PALLD: variants seen among roughly 807,000 people sequenced by gnomAD.
PALLD encodes palladin.
Under a neutral mutation model 123.5 loss-of-function variants are expected in PALLD, and 61 were observed. The observed-to-expected ratio is 0.49, with a 90% CI of 0.40 to 0.61. PALLD has a LOEUF of 0.61. Among genes scored for constraint, PALLD ranks in the 20% least tolerant of loss-of-function variants. PALLD has a pLI of 0.00. For synonymous variants in PALLD, 465 were observed against 496.4 expected, an observed-to-expected ratio of 0.94 and a Z score of 0.84; for missense variants, 1,273 against 1,377.0, an observed-to-expected ratio of 0.92 and a Z score of 1.20.
At position 168,806,439 on chromosome 4, in the gene PALLD, C is replaced by T. The variant is rs190968609; in HGVS notation, c.1965-84483C>T. Reference sequence around the variant, plus strand: ...TCTCTCCAACTCCACCAAGGTAAGACGTGCTTGCTTCCCCTTCACCCTTCC... The same window carrying T: ...TCTCTCCAACTCCACCAAGGTAAGATGTGCTTGCTTCCCCTTCACCCTTCC... On this transcript the variant is annotated intron_variant, in intron 10 of 21. Transcript: ENST00000505667. Among the ~76,000 whole-genome samples, 202 of 152,270 alleles carry T rather than the reference C, an allele frequency of 1.3e-3. 1 individual carries two copies. Among genetic ancestry groups the T allele is most frequent in the African/African-American group, 4.7e-3 (195 of 41,552 alleles).
intron 2 of PALLD, chr4:168,631,917 A>G (rs1486856315): frequency 1.0e-6 from 1 of 985,068 alleles, no homozygotes; most frequent in Non-Finnish European, 1.2e-6. Flanking sequence ...GGCAGCATTA[A>G]ATCTATGCAG....
At chr4:168,731,018 T>A (rs1787119654) in intron 10 of PALLD, among the ~76,000 whole-genome samples, 1 of 152,184 alleles carries the variant, frequency 6.6e-6, no homozygotes, top group South Asian at 2.1e-4. Flanking sequence ...GCTGCCTTCC[T>A]ACAAACTTTC....
chr4:168,583,696 T>C (rs1048425146), intron 2 of PALLD, among the ~76,000 whole-genome samples: 23 of 152,338 alleles, frequency 1.5e-4, no homozygotes, highest in Non-Finnish European at 1.8e-4. Flanking sequence ...AATGGACTAA[T>C]GGACTAAATA....
chr4:168,541,441 CA>C (rs1297150693), intron 2 of PALLD, among the ~76,000 whole-genome samples: 4 of 145,706 alleles, frequency 2.7e-5, no homozygotes, highest in South Asian at 4.4e-4. Flanking sequence ...CACTCTCACT[CA>C]TTTTATTTAT....
intron 2 of PALLD, among the ~76,000 whole-genome samples, chr4:168,621,275 T>C (rs1440781170): frequency 6.6e-6 from 1 of 152,236 alleles, no homozygotes; most frequent in Non-Finnish European, 1.5e-5. Context: ...ATGCAAATTA[T>C]ATTACGCAAA....
intron 10 of PALLD, among the ~76,000 whole-genome samples, chr4:168,807,949 A>G (rs1740471456): frequency 6.6e-6 from 1 of 151,842 alleles, no homozygotes; most frequent in Admixed American, 6.6e-5. Flanking sequence ...CAGGTGATCC[A>G]TCAGCATCAG....
intron 2 of PALLD, among the ~76,000 whole-genome samples, chr4:168,659,813 T>C (rs1561360918): frequency 6.6e-6 from 1 of 152,200 alleles, no homozygotes; most frequent in Non-Finnish European, 1.5e-5. Context: ...GATACGTAGT[T>C]GTGGTTCAAT....
chr4:168,840,606 C>G (rs900803585), intron 10 of PALLD, among the ~76,000 whole-genome samples: 18 of 152,142 alleles, frequency 1.2e-4, no homozygotes. Flanking sequence ...TTCTTTGACT[C>G]AGGGTACAAA....
chr4:168,506,788 T>C (rs1213354537), intron 1 of PALLD, among the ~76,000 whole-genome samples: 1 of 152,216 alleles, frequency 6.6e-6, no homozygotes, highest in Non-Finnish European at 1.5e-5. Flanking sequence ...TGTAGCAATC[T>C]GGCTTATATT....
chr4:168,643,437 TATC>T (rs1360146326), intron 2 of PALLD, among the ~76,000 whole-genome samples: 2 of 152,240 alleles, frequency 1.3e-5, no homozygotes, highest in African/African-American at 2.4e-5. Context: ...TCTTGCTGTT[TATC>T]ATAACATGAA....
chr4:168,572,573 C>T lies in PALLD; in HGVS notation c.908+60161C>T, dbSNP rs572697901. Reference sequence around the variant, plus strand: ...CCTCTCAAACTCAACGTGTCCAAACCGAACACTTGATTTGATATCCCCCTT... The same window carrying T: ...CCTCTCAAACTCAACGTGTCCAAACTGAACACTTGATTTGATATCCCCCTT... On this transcript the variant is annotated intron_variant, in intron 2 of 21. Coordinates refer to ENST00000505667, the MANE Select transcript of PALLD (RefSeq NM_001166108.2). Among the ~76,000 whole-genome samples the T allele has an allele frequency of 4.9e-4, 74 of 152,040 alleles. 1 individual carries two copies. The South Asian group carries it at 0.014, about 30-fold the overall frequency.
chr4:168,809,725 G>A (rs911681461), intron 10 of PALLD, among the ~76,000 whole-genome samples: 2 of 152,038 alleles, frequency 1.3e-5, no homozygotes, highest in African/African-American at 4.8e-5. Context: ...TTATCCAGAC[G>A]TGGTAGCAGG....
rs2150525182 is a variant in PALLD at position 168,776,089 on chromosome 4, A to G, written c.1964+64166A>G. On this transcript the variant is annotated intron_variant, in intron 10 of 21. Coordinates refer to ENST00000505667, the MANE Select transcript of PALLD (RefSeq NM_001166108.2). ...ACCAAAAAGCTTGCTGGGAATTTGA[A>G]TCAAGGTTATTTTGAACTTATAGAT... 2.0e-5 allele frequency among the ~76,000 whole-genome samples: 3 copies of G among 152,328 alleles called. No individual in the cohort carries two copies. In the Middle Eastern group the frequency reaches 0.01, roughly 518 times the overall value.
chr4:168,746,946 T>A (rs764229489), intron 10 of PALLD, among the ~76,000 whole-genome samples: 21 of 152,122 alleles, frequency 1.4e-4, no homozygotes, highest in Admixed American at 7.9e-4. Context: ...TAACCATGCA[T>A]AGGTTGGAGA....
At chr4:168,821,906 T>C (rs1215753482) in intron 10 of PALLD, among the ~76,000 whole-genome samples, 1 of 151,194 alleles carries the variant, frequency 6.6e-6, no homozygotes, top group East Asian at 1.9e-4. Context: ...AAAAAAGTTT[T>C]AGTATTTTTT....
chr4:168,894,309 T>G (rs976610585), intron 11 of PALLD: 4 of 474,702 alleles, frequency 8.4e-6, no homozygotes, highest in Non-Finnish European at 1.5e-5. Context: ...AAATCTTTTC[T>G]GTGTGGTTTC....
intron 15 of PALLD, 165 bp downstream of exon 15, chr4:168,904,071 T>A: frequency 1.5e-6 from 1 of 681,006 alleles, no homozygotes; most frequent in South Asian, 1.7e-5. Context: ...AGAAAAATTC[T>A]TTGTTTCATG....
intron 2 of PALLD, among the ~76,000 whole-genome samples, chr4:168,641,264 C>T (rs958148512): frequency 6.6e-6 from 1 of 151,278 alleles, no homozygotes; most frequent in Non-Finnish European, 1.5e-5. Flanking sequence ...ATACTGATTG[C>T]TTAAGTCTGA....
intron 11 of PALLD, among the ~76,000 whole-genome samples, chr4:168,891,607 T>G (rs1754156508): frequency 2.0e-5 from 3 of 147,570 alleles, no homozygotes; most frequent in South Asian, 2.1e-4. Flanking sequence ...GTGAAGAGAG[T>G]AAGTGGGAAA....
Sources: gnomAD v4.1 joint callset for allele counts (sites outside exome capture counted in the v4.1 genomes callset) on GRCh38, gnomAD v4.1.1 for gene constraint, MANE v1.5 for transcripts, NCBI Gene and HGNC (gene_info 2026-07-23, HGNC 2026-07-21) for gene names.